Variants in DGKB observed in about 807,000 individuals in gnomAD.
DGKB encodes 90 kDa diacylglycerol kinase.
Under a neutral mutation model 114.3 loss-of-function variants are expected in DGKB, and 67 were observed. The ratio of observed to expected loss-of-function variants is 0.59; its 90% CI spans 0.48 to 0.72. The LOEUF (loss-of-function observed/expected upper bound fraction) is 0.72. Ranked by LOEUF, DGKB falls within the 30% of genes least tolerant of loss-of-function variation. The probability of loss-of-function intolerance (pLI) is 0.00; values close to 1 mark genes in which losing one functional copy is unlikely to be tolerated. For synonymous variants in DGKB, 398 were observed against 323.1 expected, an observed-to-expected ratio of 1.23 and a Z score of -2.49; for missense variants, 907 against 975.2, an observed-to-expected ratio of 0.93 and a Z score of 0.93.
chr7:14,311,931 T>C (rs1393117663), intron 23 of DGKB, among the ~76,000 whole-genome samples: 4 of 152,118 alleles, frequency 2.6e-5, no homozygotes, highest in African/African-American at 9.7e-5. Flanking sequence ...AAAATATGGA[T>C]AGATAATGGT....
intron 25 of DGKB, among the ~76,000 whole-genome samples, chr7:14,167,071 C>T (rs972154088): frequency 2.0e-5 from 3 of 151,836 alleles, no homozygotes; most frequent in East Asian, 1.9e-4. Context: ...ATTACCTGAG[C>T]GTAGTAGTGT....
chr7:14,916,125 C>G (rs1039178376), intron 1 of DGKB, among the ~76,000 whole-genome samples: 3 of 151,750 alleles, frequency 2.0e-5, no homozygotes, highest in African/African-American at 7.3e-5. Context: ...GTATACTATA[C>G]TGAAAAATGA....
chr7:14,647,335 A>AAACAAC (rs940990701), intron 13 of DGKB, among the ~76,000 whole-genome samples: 26 of 152,002 alleles, frequency 1.7e-4, no homozygotes, highest in Admixed American at 2.6e-4. Context: ...CCCAAAAAGA[A>AAACAAC]AACAACAACA....
At chr7:14,636,873 G>T (rs919836038) in intron 13 of DGKB, among the ~76,000 whole-genome samples, 1 of 151,842 alleles carries the variant, frequency 6.6e-6, no homozygotes, top group African/African-American at 2.4e-5. Flanking sequence ...AATTCCTTAA[G>T]CTAGCTCAAG....
At position 14,532,145 on chromosome 7, in the gene DGKB, G is replaced by A. The variant is rs73287741; in HGVS notation, c.1770+42067C>T. ...AGGAGAAATTCTTCACGACCTTTGG[G>A]TTAGGGAAAATGTTCCCAGATATAA... On this transcript the variant is annotated intron_variant, in intron 20 of 25. Transcript: ENST00000402815. 9.4e-4 allele frequency among the ~76,000 whole-genome samples: 142 copies of A among 150,936 alleles called. 1 individual carries two copies. The highest frequency in any genetic ancestry group is 2.9e-3 in the African/African-American group (118 of 41,306).
chr7:14,642,271 T>A (rs1811947639), intron 13 of DGKB, among the ~76,000 whole-genome samples: 1 of 152,202 alleles, frequency 6.6e-6, no homozygotes, highest in Non-Finnish European at 1.5e-5. Flanking sequence ...CATCTAAAAC[T>A]ATTGCTATTG....
At chr7:14,511,790 G>C (rs1251960794) in intron 20 of DGKB, among the ~76,000 whole-genome samples, 1 of 152,054 alleles carries the variant, frequency 6.6e-6, no homozygotes, top group Non-Finnish European at 1.5e-5. Context: ...TAGAGGCCAC[G>C]GTAGGGTTAT....
intron 2 of DGKB, among the ~76,000 whole-genome samples, chr7:14,765,753 G>A (rs1014404482): frequency 6.6e-6 from 1 of 151,856 alleles, no homozygotes; most frequent in Non-Finnish European, 1.5e-5. Flanking sequence ...TTGCCTTCGA[G>A]CCACTCATCT....
intron 1 of DGKB, among the ~76,000 whole-genome samples, chr7:14,886,446 C>A (rs1377514390): frequency 6.6e-6 from 1 of 151,784 alleles, no homozygotes; most frequent in Non-Finnish European, 1.5e-5. Context: ...ACAAAAATAA[C>A]AGCAAACCAA....
chr7:14,597,068 C>G (rs1385502504), intron 17 of DGKB, among the ~76,000 whole-genome samples: 1 of 152,048 alleles, frequency 6.6e-6, no homozygotes, highest in Admixed American at 6.6e-5. Flanking sequence ...TAATACTGGT[C>G]AGAGACCATA....
chr7:14,760,911 T>C (rs1835590050), intron 2 of DGKB, among the ~76,000 whole-genome samples: 2 of 152,176 alleles, frequency 1.3e-5, no homozygotes, highest in South Asian at 4.1e-4. Flanking sequence ...TACTGAATAT[T>C]CTTAGTAGAG....
intron 21 of DGKB, among the ~76,000 whole-genome samples, chr7:14,457,158 A>T (rs1584084370): frequency 6.6e-6 from 1 of 152,216 alleles, no homozygotes; most frequent in Non-Finnish European, 1.5e-5. Flanking sequence ...CAAGTTAAAA[A>T]GTATGCCGCA....
chr7:14,893,381 G>A lies in DGKB; in HGVS notation c.-188+9211C>T, dbSNP rs138004653. On this transcript the variant is annotated intron_variant, in intron 1 of 25. Transcript: ENST00000402815. ...TTTCCTGGTCTTTAGAACATTCCAG[G>A]TTTCTGTTGCTGTTTTCTTCCTCTA... Among the ~76,000 whole-genome samples, 28 of 151,370 alleles carry A rather than the reference G, an allele frequency of 1.8e-4. No individual in the cohort carries two copies. In the East Asian group the frequency reaches 3.5e-3, roughly 19 times the overall value.
At chr7:14,379,704 C>T (rs1172200600) in intron 21 of DGKB, among the ~76,000 whole-genome samples, 1 of 152,136 alleles carries the variant, frequency 6.6e-6, no homozygotes, top group Non-Finnish European at 1.5e-5. Context: ...GGATTACAGG[C>T]ACGTGCCACC....
At chr7:14,284,362 C>G (rs891950861) in intron 23 of DGKB, among the ~76,000 whole-genome samples, 1 of 143,170 alleles carries the variant, frequency 7.0e-6, no homozygotes, top group Non-Finnish European at 1.5e-5. Context: ...CAGGAAACAA[C>G]AGGTGCTGGA....
rs1364516932 is a variant in DGKB, at chr7:14,636,773, T to C, written c.1135-6505A>G. Reference sequence around the variant, plus strand: ...CAACCTTATATTACAAATCTGAAAATATTTGTCCCAAAATTGCTTAGGAGA... The same window carrying C: ...CAACCTTATATTACAAATCTGAAAACATTTGTCCCAAAATTGCTTAGGAGA... On this transcript the variant is annotated intron_variant, in intron 13 of 25. Coordinates refer to ENST00000402815, the MANE Select transcript of DGKB (RefSeq NM_001350709.2). Among the ~76,000 whole-genome samples, 4 of 151,948 alleles carry C rather than the reference T, an allele frequency of 2.6e-5. No individual in the cohort carries two copies. The East Asian group carries it at 5.8e-4, about 22-fold the overall frequency.
chr7:14,661,561 G>T (rs953609695), intron 13 of DGKB, among the ~76,000 whole-genome samples: 2 of 151,632 alleles, frequency 1.3e-5, no homozygotes, highest in African/African-American at 4.8e-5. Flanking sequence ...AACAACAGGT[G>T]CTGGAGAGGA....
At chr7:14,351,407 G>A (rs1027589072) in intron 21 of DGKB, among the ~76,000 whole-genome samples, 3 of 152,184 alleles carry the variant, frequency 2.0e-5, no homozygotes, top group Admixed American at 2.0e-4. Context: ...ATGTTGGCAG[G>A]GCACAGGGAG....
intron 21 of DGKB, among the ~76,000 whole-genome samples, chr7:14,456,834 G>A (rs892966719): frequency 3.3e-5 from 5 of 152,014 alleles, no homozygotes; most frequent in African/African-American, 1.2e-4. Context: ...TAGAGGACAA[G>A]GAACAGCTTT....
Sources: gnomAD v4.1 joint callset for allele counts (sites outside exome capture counted in the v4.1 genomes callset) on GRCh38, gnomAD v4.1.1 for gene constraint, MANE v1.5 for transcripts, NCBI Gene and HGNC (gene_info 2026-07-23, HGNC 2026-07-21) for gene names.